XPOT: variants seen among roughly 807,000 people sequenced by gnomAD.
XPOT encodes the protein exportin for tRNA, also known as exportin-T.
In XPOT, 34 loss-of-function variants were observed where a neutral mutation model predicts 128.2. The ratio of observed to expected loss-of-function variants is 0.27; its 90% confidence interval spans 0.20 to 0.35. The LOEUF (loss-of-function observed/expected upper bound fraction) is 0.35. Ranked by LOEUF, XPOT falls within the 10% of genes least tolerant of loss-of-function variation. The probability of loss-of-function intolerance (pLI) is 1.00; values close to 1 mark genes in which losing one functional copy is unlikely to be tolerated. For missense variants in XPOT, 838 were observed against 1,125.3 expected (o/e 0.74, Z 3.65); for synonymous variants, 348 against 394.3 (o/e 0.88, Z 1.39).
At chr12:64,422,895 C>G in intron 9 of XPOT, 110 bp from the exon 10 acceptor site, 1 of 1,053,682 alleles carries the variant, frequency 9.5e-7, no homozygotes, top group Non-Finnish European at 1.4e-6. Context: ...AGAGCAAGAC[C>G]TTGTCTCAAA....
At chr12:64,429,998 T>C (rs1318366621) in intron 16 of XPOT, 51 bp from the exon 17 acceptor site, 2 of 1,475,442 alleles carry the variant, frequency 1.4e-6, no homozygotes, top group Non-Finnish European at 1.8e-6. Flanking sequence ...TCTCATTAAA[T>C]GAAGGGAACT....
At chr12:64,434,427 A>T in intron 19 of XPOT, 80 bp from the exon 20 acceptor site, 2 of 885,504 alleles carry the variant, frequency 2.3e-6, no homozygotes, top group Admixed American at 2.1e-5. Context: ...TTGACTTGTT[A>T]ATGTATATGA....
intron 9 of XPOT, among the ~76,000 whole-genome samples, chr12:64,422,672 G>A (rs1254228868): frequency 6.6e-6 from 1 of 152,200 alleles, no homozygotes; most frequent in East Asian, 1.9e-4. Context: ...GCTGAGGCGG[G>A]AGGATTGTTT....
At chr12:64,415,893 C>T (rs1456663647) in intron 3 of XPOT, among the ~76,000 whole-genome samples, 2 of 152,194 alleles carry the variant, frequency 1.3e-5, no homozygotes. Context: ...CCCCGCCTCT[C>T]AAGTCTTCTG....
Position 64,409,745 on chromosome 12 carries a change from AT to A in XPOT, c.-74-216del, listed in dbSNP as rs375647169. ...GTGAGACTCCGTCTCAAAAAAAAAA[AT>A]CAGATTTTTAGGAATTACACATTAG... On this transcript the variant is annotated intron_variant, in intron 1 of 24. Transcript: ENST00000332707. The A allele has an allele frequency of 2.0e-4, 62 of 313,442 alleles. No individual in the cohort carries two copies. In the East Asian group the frequency reaches 3.8e-3, roughly 19 times the overall value. 19.4% of individuals were successfully genotyped at this position (313,442 alleles called of 1,614,324 possible). A position where few individuals can be genotyped will look rare whatever the true frequency, so the allele number is the denominator to read the frequency against.
chr12:64,419,551 C>T (rs151308895), intron 6 of XPOT, among the ~76,000 whole-genome samples: 55 of 152,290 alleles, frequency 3.6e-4, no homozygotes, highest in African/African-American at 1.2e-3. Flanking sequence ...TCAGGTGATC[C>T]GCCCGCCTTG....
Position 64,425,178 on chromosome 12 carries a change from G to A in XPOT, c.1448G>A (p.Arg483Gln), listed in dbSNP as rs751773343. The A allele has an allele frequency of 2.1e-5, 34 of 1,613,864 alleles. No individual in the cohort carries two copies. The East Asian group carries it at 3.1e-4, about 15-fold the overall frequency. Reference sequence around the variant, plus strand: ...GCTAGTGCTTTGCAGGATATGATGCGAACTGTAAGTATACTGGAGATAATT... The same window carrying A: ...GCTAGTGCTTTGCAGGATATGATGCAAACTGTAAGTATACTGGAGATAATT... Reference protein sequence around the residue: ...SKASALQDMMRTLVTSGVSSY... With the variant: ...SKASALQDMMQTLVTSGVSSY... Residue 483 changes from arginine (R) to glutamine (Q), a missense_variant, in exon 13 of 25, where the codon CGA (arginine) becomes CAA (glutamine). Physicochemically the swap from Arg to Gln is conservative, Grantham distance 43 (BLOSUM62 1). Coordinates refer to ENST00000332707, the MANE Select transcript of XPOT (RefSeq NM_007235.6).
At chr12:64,406,286 G>A (rs1483312386) in intron 1 of XPOT, among the ~76,000 whole-genome samples, 2 of 151,826 alleles carry the variant, frequency 1.3e-5, no homozygotes, top group Non-Finnish European at 2.9e-5. Context: ...GTGTTGGTCA[G>A]GCTGGTCTCG....
At chr12:64,448,010 G>C (rs2040379316) in intron 24 of XPOT, 95 bp from the exon 25 acceptor site, 1 of 1,116,956 alleles carries the variant, frequency 9.0e-7, no homozygotes, top group Non-Finnish European at 1.4e-6. Flanking sequence ...TGTTACAGAA[G>C]AACATTGCTA....
chr12:64,443,140 G>C (rs11175393), intron 23 of XPOT: 113,324 of 152,182 alleles, frequency 0.74, 42,930 homozygotes, highest in Middle Eastern at 0.85. Context: ...CACCGTGCCC[G>C]ATCCAAGGGT....
chr12:64,415,625 C>T (rs1008026040), intron 3 of XPOT, among the ~76,000 whole-genome samples: 2 of 152,088 alleles, frequency 1.3e-5, no homozygotes, highest in African/African-American at 2.4e-5. Context: ...GTGATCCGCC[C>T]GTCTCGGCCT....
At chr12:64,442,932 G>C (rs2040337657) in intron 23 of XPOT, 1 of 152,766 alleles carries the variant, frequency 6.5e-6, no homozygotes, top group African/African-American at 2.4e-5. Flanking sequence ...TGCAACCTCT[G>C]CCTCCCGGGT....
At chr12:64,445,925 A>G (rs1439516774) in intron 24 of XPOT, among the ~76,000 whole-genome samples, 4 of 152,254 alleles carry the variant, frequency 2.6e-5, no homozygotes, top group African/African-American at 9.6e-5. Context: ...TTTGTAAGTC[A>G]GAGGGCTTTG....
chr12:64,439,105 C>T, intron 22 of XPOT, 139 bp from the exon 23 acceptor site: 1 of 716,536 alleles, frequency 1.4e-6, no homozygotes, highest in South Asian at 1.8e-5. Flanking sequence ...GGCTTCAAAC[C>T]AAGGCAGTCT....
chr12:64,410,092 A>G lies in XPOT; in HGVS notation c.57A>G (p.Gln19=). The G allele has an allele frequency of 6.2e-7, 1 of 1,613,682 alleles. No individual in the cohort carries two copies. Among genetic ancestry groups the G allele is most frequent in the Admixed American group, 1.7e-5 (1 of 60,014 alleles). Residue 19 remains glutamine, a synonymous_variant, in exon 2 of 25, where the codon CAA becomes CAG. Transcript: ENST00000332707. ...CAAATGCTGATTCAGACTTTAGACA[A>G]AGGGTAAGTTACTCTGCTGAATCAT... ...LNPNADSDFR[Q]RALAYFEQLK... is the part of the protein sequence containing the mutation.
At position 64,418,959 on chromosome 12, in the gene XPOT, C is replaced by G; in HGVS notation, c.354C>G (p.Leu118=). 6.2e-7 allele frequency: 1 copy of G among 1,614,094 alleles called. No individual in the cohort carries two copies. The highest frequency in any genetic ancestry group is 8.5e-7 in the Non-Finnish European group (1 of 1,180,004). ...CCTTGCTTTTTGTTACAGAGTATCT[C>G]ACTAAGTGGCCCAAGTTTTTTTTTG... The part of the protein sequence containing the change: ...VFALLFVTEY[L]TKWPKFFFDI... Residue 118 remains leucine, a synonymous_variant, in exon 6 of 25, where the codon CTC becomes CTG. Coordinates refer to ENST00000332707, the MANE Select transcript of XPOT (RefSeq NM_007235.6).
chr12:64,418,510 G>A (rs117452393), intron 5 of XPOT, among the ~76,000 whole-genome samples: 70 of 152,262 alleles, frequency 4.6e-4, no homozygotes, highest in Non-Finnish European at 8.1e-4. Flanking sequence ...TAAAGCAGTT[G>A]TGTAGCTAGA....
chr12:64,433,370 T>C (rs761665190), intron 18 of XPOT, 44 bp from the exon 19 acceptor site: 28 of 1,487,936 alleles, frequency 1.9e-5, no homozygotes, highest in Non-Finnish European at 2.4e-5. Context: ...AGTTGTATGT[T>C]AATATTGTTA....
At chr12:64,417,984 AT>A in intron 4 of XPOT, 61 bp from the exon 5 acceptor site, 1 of 1,373,994 alleles carries the variant, frequency 7.3e-7, no homozygotes, top group Middle Eastern at 1.8e-4. Context: ...TGAGGCTGTT[AT>A]TTTTTACAAC....
Sources: gnomAD v4.1 joint callset for allele counts (sites outside exome capture counted in the v4.1 genomes callset) on GRCh38, gnomAD v4.1.1 for gene constraint, MANE v1.5 for transcripts, NCBI Gene and HGNC (gene_info 2026-07-23, HGNC 2026-07-21) for gene names.